Variants in MAGI2 observed in about 807,000 individuals in gnomAD.
The protein encoded by MAGI2 is membrane associated guanylate kinase, WW and PDZ domain containing 2.
In MAGI2, 35 loss-of-function variants were observed where a neutral mutation model predicts 133.3. The observed-to-expected ratio is 0.26, with a 90% CI of 0.20 to 0.35. The LOEUF (loss-of-function observed/expected upper bound fraction) is 0.35. Among genes scored for constraint, MAGI2 ranks in the 10% least tolerant of loss-of-function variants. MAGI2 has a pLI of 1.00. For missense variants in MAGI2, 1,636 were observed against 1,863.4 expected (o/e 0.88, Z 2.25); for synonymous variants, 729 against 710.6 (o/e 1.03, Z -0.41).
chr7:79,303,742 G>C (rs545804177), intron 1 of MAGI2, among the ~76,000 whole-genome samples: 1 of 152,170 alleles, frequency 6.6e-6, no homozygotes, highest in African/African-American at 2.4e-5. Flanking sequence ...ACTATCACTG[G>C]TTAATATGTC....
intron 2 of MAGI2, among the ~76,000 whole-genome samples, chr7:78,949,691 G>T (rs1461919923): frequency 6.6e-6 from 1 of 152,126 alleles, no homozygotes; most frequent in Non-Finnish European, 1.5e-5. Flanking sequence ...AAGTGTTATA[G>T]CTAATCTAAT....
chr7:79,298,529 T>C, intron 1 of MAGI2, among the ~76,000 whole-genome samples: 1 of 152,308 alleles, frequency 6.6e-6, no homozygotes, highest in Non-Finnish European at 1.5e-5. Context: ...TACCATATCA[T>C]ACATAGTAAA....
chr7:79,350,061 G>A (rs1433626521), intron 1 of MAGI2, among the ~76,000 whole-genome samples: 1 of 152,066 alleles, frequency 6.6e-6, no homozygotes, highest in Non-Finnish European at 1.5e-5. Flanking sequence ...GCTGAGGCCA[G>A]AACTTGAAAT....
At chr7:78,463,963 G>T (rs1291979849) in intron 6 of MAGI2, among the ~76,000 whole-genome samples, 1 of 152,146 alleles carries the variant, frequency 6.6e-6, no homozygotes, top group Non-Finnish European at 1.5e-5. Context: ...AGATGAACAA[G>T]AGTGAGTTAA....
intron 2 of MAGI2, among the ~76,000 whole-genome samples, chr7:78,840,575 C>T (rs1476038411): frequency 6.6e-6 from 1 of 151,970 alleles, no homozygotes; most frequent in African/African-American, 2.4e-5. Flanking sequence ...ATGTTTTCAG[C>T]TGCTATCTAG....
chr7:78,822,676 T>C (rs1790229650), intron 2 of MAGI2, among the ~76,000 whole-genome samples: 1 of 152,158 alleles, frequency 6.6e-6, no homozygotes, highest in African/African-American at 2.4e-5. Flanking sequence ...AGGTATATAC[T>C]ACTAAAAAGT....
intron 10 of MAGI2, among the ~76,000 whole-genome samples, chr7:78,228,444 G>C (rs760095766): frequency 6.6e-6 from 1 of 152,176 alleles, no homozygotes; most frequent in African/African-American, 2.4e-5. Flanking sequence ...TTGGCCTTTT[G>C]AGTTAGTATT....
At chr7:79,169,967 A>G (rs1391407918) in intron 1 of MAGI2, among the ~76,000 whole-genome samples, 1 of 151,788 alleles carries the variant, frequency 6.6e-6, no homozygotes, top group Non-Finnish European at 1.5e-5. Context: ...ATAAATGATC[A>G]TTTCAATTGA....
intron 1 of MAGI2, among the ~76,000 whole-genome samples, chr7:79,246,950 C>G (rs191943964): frequency 6.6e-6 from 1 of 152,112 alleles, no homozygotes; most frequent in Admixed American, 6.6e-5. Flanking sequence ...ATATGTCTAG[C>G]AGCAGAATTA....
chr7:79,330,339 A>G (rs570412098), intron 1 of MAGI2, among the ~76,000 whole-genome samples: 54 of 151,838 alleles, frequency 3.6e-4, no homozygotes, highest in African/African-American at 1.3e-3. Context: ...GACTACAGGC[A>G]CCTGCCACCA....
chr7:78,539,374 T>G (rs1387872753), intron 3 of MAGI2, among the ~76,000 whole-genome samples: 1 of 152,220 alleles, frequency 6.6e-6, no homozygotes, highest in Non-Finnish European at 1.5e-5. Context: ...TCACTTGATC[T>G]TGGTGGATTA....
At chr7:79,309,637 A>G (rs1166010844) in intron 1 of MAGI2, among the ~76,000 whole-genome samples, 1 of 152,054 alleles carries the variant, frequency 6.6e-6, no homozygotes, top group Non-Finnish European at 1.5e-5. Flanking sequence ...TAATCTGTCT[A>G]TAAGTATTTA....
intron 1 of MAGI2, among the ~76,000 whole-genome samples, chr7:79,327,297 A>C (rs1433471234): frequency 6.6e-6 from 1 of 152,188 alleles, no homozygotes; most frequent in Non-Finnish European, 1.5e-5. Context: ...ACAGGTATGA[A>C]TATGGGTAGC....
intron 10 of MAGI2, among the ~76,000 whole-genome samples, chr7:78,246,631 C>G (rs1318478133): frequency 3.3e-5 from 5 of 152,188 alleles, no homozygotes; most frequent in Non-Finnish European, 7.3e-5. Context: ...TTGCTGCACT[C>G]TGCTATTCTA....
At chr7:78,463,434 A>G (rs191111258) in intron 6 of MAGI2, among the ~76,000 whole-genome samples, 6 of 152,364 alleles carry the variant, frequency 3.9e-5, no homozygotes, top group African/African-American at 9.6e-5. Flanking sequence ...AGTTTTAAAA[A>G]GCTTTGTCTT....
chr7:78,035,319 G>GGAGA (rs906739776), intron 21 of MAGI2: 1 of 153,606 alleles, frequency 6.5e-6, no homozygotes, highest in African/African-American at 2.4e-5. Flanking sequence ...AGGTGGCGGA[G>GGAGA]GAGAGAAACA....
chr7:79,124,519 T>C (rs1820223600), intron 1 of MAGI2, among the ~76,000 whole-genome samples: 1 of 152,222 alleles, frequency 6.6e-6, no homozygotes, highest in African/African-American at 2.4e-5. Context: ...CTGTCAATCA[T>C]GGAGTTATAT....
rs150111226 is a variant in MAGI2, at chr7:79,091,165, C to G, written c.302-83959G>C. ...TCTTATCCTTGGTTCTCAGAGTTTC[C>G]AAGATTTTTCAGTGTTGATTACGTT... On this transcript the variant is annotated intron_variant, in intron 1 of 21. Transcript: ENST00000354212. Among the ~76,000 whole-genome samples the G allele has an allele frequency of 1.7e-3, 263 of 152,050 alleles. 3 individuals are homozygous for G. The highest frequency in any genetic ancestry group is 6.1e-3 in the African/African-American group (255 of 41,484).
chr7:78,694,086 A>T (rs1817248172), intron 2 of MAGI2, among the ~76,000 whole-genome samples: 1 of 152,110 alleles, frequency 6.6e-6, no homozygotes, highest in Non-Finnish European at 1.5e-5. Context: ...TAATTTCCTC[A>T]GCATGGGAAA....
Sources: gnomAD v4.1 joint callset for allele counts (sites outside exome capture counted in the v4.1 genomes callset) on GRCh38, gnomAD v4.1.1 for gene constraint, MANE v1.5 for transcripts, NCBI Gene and HGNC (gene_info 2026-07-23, HGNC 2026-07-21) for gene names.